SHISA5: variants seen among roughly 807,000 people sequenced by gnomAD.
SHISA5 encodes protein shisa-5.
A neutral mutation model predicts 27.5 loss-of-function variants in SHISA5; 21 were observed. That is an observed-to-expected ratio of 0.76 (90% confidence interval 0.54 to 1.10). SHISA5 has a LOEUF of 1.10. Among genes scored for constraint, SHISA5 ranks in the 50% least tolerant of loss-of-function variants. SHISA5 has a pLI of 0.00. For synonymous variants in SHISA5, 137 were observed against 142.2 expected (o/e 0.96, Z 0.26); for missense variants, 314 against 336.3 (o/e 0.93, Z 0.52).
intron 2 of SHISA5, among the ~76,000 whole-genome samples, chr3:48,481,911 C>CA (rs568696308): frequency 1.1e-4 from 17 of 149,764 alleles, no homozygotes; most frequent in African/African-American, 2.7e-4. Flanking sequence ...ACTAAAAATA[C>CA]AAAAAAAATT....
At chr3:48,489,676 G>A (rs2041363728) in intron 2 of SHISA5, among the ~76,000 whole-genome samples, 1 of 137,240 alleles carries the variant, frequency 7.3e-6, no homozygotes, top group Non-Finnish European at 1.5e-5. Flanking sequence ...CACCCAAGCT[G>A]GAGTGCAGTA....
intron 1 of SHISA5, chr3:48,502,584 C>T (rs547338025): frequency 7.2e-5 from 25 of 348,048 alleles, no homozygotes; most frequent in South Asian, 4.5e-4. Flanking sequence ...TTTTGGATGA[C>T]CACAAGGTTT....
chr3:48,503,668 G>C (rs1229751994), intron 1 of SHISA5: 3 of 1,090,304 alleles, frequency 2.8e-6, no homozygotes, highest in Admixed American at 9.4e-5. Context: ...TGATGGAGGG[G>C]CCAGCTCGCC....
intron 2 of SHISA5, among the ~76,000 whole-genome samples, chr3:48,484,634 G>A (rs1299868773): frequency 6.6e-6 from 1 of 151,948 alleles, no homozygotes; most frequent in Non-Finnish European, 1.5e-5. Flanking sequence ...GCTCATGCCT[G>A]TAATCCCAGC....
At chr3:48,472,983 C>T in intron 3 of SHISA5, 2 of 1,533,398 alleles carry the variant, frequency 1.3e-6, no homozygotes, top group Non-Finnish European at 1.7e-6. Flanking sequence ...CTCTCAAACA[C>T]ACACGCAGCA....
intron 2 of SHISA5, among the ~76,000 whole-genome samples, chr3:48,482,640 T>G (rs1406465424): frequency 6.9e-6 from 1 of 145,516 alleles, no homozygotes; most frequent in Non-Finnish European, 1.5e-5. Context: ...GAAAACTCAC[T>G]TTTTTTTTTT....
chr3:48,483,550 C>T (rs991263820), intron 2 of SHISA5, among the ~76,000 whole-genome samples: 3 of 152,214 alleles, frequency 2.0e-5, no homozygotes, highest in African/African-American at 7.2e-5. Context: ...TCCCCCTTTT[C>T]TATCCCACAA....
At position 48,495,865 on chromosome 3, in the gene SHISA5, T is replaced by C. The variant is rs1408200352; in HGVS notation, c.233+5272A>G. Among the ~76,000 whole-genome samples, 34 of 146,490 alleles carry C rather than the reference T, an allele frequency of 2.3e-4. 7 individuals carry two copies. Among genetic ancestry groups the C allele is most frequent in the African/African-American group, 9.2e-4 (34 of 37,092 alleles). On this transcript the variant is annotated intron_variant, in intron 2 of 5. Coordinates refer to ENST00000296444, the MANE Select transcript of SHISA5 (RefSeq NM_016479.6). ...TCAATAAACAATTAGAAAATAAAAA[T>C]TGTGGCCGGGTGCAGTGGCTCACAC...
chr3:48,496,481 G>A (rs556642800), intron 2 of SHISA5, among the ~76,000 whole-genome samples: 3 of 151,672 alleles, frequency 2.0e-5, no homozygotes, highest in Non-Finnish European at 2.9e-5. Context: ...CTGTAGTCCC[G>A]GCTACATGGG....
Position 48,468,987 on chromosome 3 carries a change from G to A in SHISA5, c.*120C>T. Reference sequence around the variant, plus strand: ...GGCAGGACACACACAGCACACATGGGGCGTAAGGAACCGTGCCTGGACACA... The same window carrying A: ...GGCAGGACACACACAGCACACATGGAGCGTAAGGAACCGTGCCTGGACACA... On this transcript the variant is annotated 3_prime_UTR_variant, in exon 6 of 6. Transcript: ENST00000296444. The A allele has an allele frequency of 6.4e-7, 1 of 1,574,004 alleles. No homozygotes were observed. The highest frequency in any genetic ancestry group is 8.6e-7 in the Non-Finnish European group (1 of 1,157,326).
intron 3 of SHISA5, among the ~76,000 whole-genome samples, chr3:48,477,950 C>G (rs894662169): frequency 2.6e-5 from 4 of 152,246 alleles, no homozygotes; most frequent in Non-Finnish European, 2.9e-5. Context: ...CACACCCACC[C>G]CATCTGCTCT....
intron 2 of SHISA5, among the ~76,000 whole-genome samples, chr3:48,482,162 C>T (rs918107436): frequency 2.0e-5 from 3 of 148,660 alleles, no homozygotes; most frequent in African/African-American, 7.4e-5. Flanking sequence ...AAGGTAAGTG[C>T]AAAAATAAAC....
At chr3:48,478,507 C>T (rs1241774955) in intron 3 of SHISA5, among the ~76,000 whole-genome samples, 1 of 152,074 alleles carries the variant, frequency 6.6e-6, no homozygotes, top group Non-Finnish European at 1.5e-5. Context: ...CAGGAAAGCC[C>T]GCCCTAGTGG....
intron 2 of SHISA5, among the ~76,000 whole-genome samples, chr3:48,496,594 C>T (rs1340641118): frequency 1.3e-5 from 2 of 151,258 alleles, no homozygotes; most frequent in African/African-American, 2.4e-5. Context: ...TTTAGCTGGG[C>T]GAGGTGGCAG....
intron 1 of SHISA5, chr3:48,503,748 G>T (rs1020602693): frequency 1.1e-5 from 14 of 1,224,568 alleles, no homozygotes; most frequent in Non-Finnish European, 1.3e-5. Context: ...CCATCCCCTG[G>T]AACATGGGCG....
chr3:48,487,750 T>C (rs1391641193), intron 2 of SHISA5, among the ~76,000 whole-genome samples: 1 of 151,992 alleles, frequency 6.6e-6, no homozygotes, highest in Non-Finnish European at 1.5e-5. Context: ...AAAAAAATTA[T>C]CTGGGCATGG....
At chr3:48,480,604 C>T (rs1416137991) in intron 2 of SHISA5, among the ~76,000 whole-genome samples, 3 of 151,900 alleles carry the variant, frequency 2.0e-5, no homozygotes, top group Non-Finnish European at 2.9e-5. Context: ...ACTAAAAATA[C>T]AAAAATTAGC....
At chr3:48,489,287 A>G (rs1336826437) in intron 2 of SHISA5, among the ~76,000 whole-genome samples, 1 of 151,640 alleles carries the variant, frequency 6.6e-6, no homozygotes, top group Non-Finnish European at 1.5e-5. Context: ...GGCCCAGAGA[A>G]GGCAAAAGAT....
chr3:48,482,161 G>A (rs1242660502), intron 2 of SHISA5, among the ~76,000 whole-genome samples: 2 of 150,632 alleles, frequency 1.3e-5, no homozygotes, highest in Admixed American at 6.6e-5. Flanking sequence ...AAAGGTAAGT[G>A]CAAAAATAAA....
Sources: allele counts gnomAD v4.1 joint callset (sites outside exome capture counted in the v4.1 genomes callset), GRCh38; gene constraint gnomAD v4.1.1; transcripts MANE v1.5; gene names NCBI Gene and HGNC (gene_info 2026-07-23, HGNC 2026-07-21).